Variants in TRPM8 observed in about 807,000 individuals in gnomAD.
TRPM8 encodes the protein TRPM8 cationic channel.
Under a neutral mutation model 133.7 loss-of-function variants are expected in TRPM8, and 110 were observed. That is an observed-to-expected ratio of 0.82 (90% CI 0.70 to 0.96). The LOEUF is 0.96. Ranked by LOEUF, TRPM8 falls within the 40% of genes least tolerant of loss-of-function variation. The probability of loss-of-function intolerance (pLI) is 0.00; values close to 1 mark genes in which losing one functional copy is unlikely to be tolerated. For missense variants in TRPM8, 1,291 were observed against 1,379.5 expected, an observed-to-expected ratio of 0.94 and a Z score of 1.02; for synonymous variants, 535 against 532.3, an observed-to-expected ratio of 1.01 and a Z score of -0.07.
intron 3 of TRPM8, among the ~76,000 whole-genome samples, chr2:233,936,128 G>A (rs1329148832): frequency 6.6e-6 from 1 of 152,122 alleles, no homozygotes; most frequent in African/African-American, 2.4e-5. Flanking sequence ...GGGGCTGTGC[G>A]AGAGTAAAAG....
chr2:233,959,093 T>C (rs1684499351), intron 11 of TRPM8, among the ~76,000 whole-genome samples: 2 of 152,178 alleles, frequency 1.3e-5, no homozygotes, highest in African/African-American at 4.8e-5. Context: ...TGGCATGATC[T>C]CAGCTCACTG....
At chr2:234,002,168 T>A (rs908162138) in intron 22 of TRPM8, among the ~76,000 whole-genome samples, 10 of 150,938 alleles carry the variant, frequency 6.6e-5, no homozygotes, top group Admixed American at 5.9e-4. Flanking sequence ...AGAAGATGAA[T>A]TGGAATTAGC....
At chr2:233,942,921 CT>C (rs1690946409) in intron 6 of TRPM8, 173 bp downstream of exon 6, 1 of 668,878 alleles carries the variant, frequency 1.5e-6, no homozygotes, top group South Asian at 1.8e-5. Context: ...GATGACGTAC[CT>C]AATTAACTGC....
At chr2:233,921,649 T>C (rs1368136138) in intron 1 of TRPM8, among the ~76,000 whole-genome samples, 4 of 148,862 alleles carry the variant, frequency 2.7e-5, no homozygotes, top group Non-Finnish European at 4.5e-5. Flanking sequence ...CTTTTTTTTC[T>C]TTTTCTTTTT....
intron 2 of TRPM8, among the ~76,000 whole-genome samples, chr2:233,929,282 C>T (rs1272355864): frequency 3.3e-5 from 5 of 152,272 alleles, no homozygotes; most frequent in Admixed American, 1.3e-4. Context: ...GGGTTTAAGA[C>T]ATACGACCTA....
Position 233,960,968 on chromosome 2 carries a change from G to A in TRPM8, c.1555G>A (p.Ala519Thr). Residue 519 changes from alanine to threonine, a missense_variant, in exon 12 of 26, where the codon GCC becomes ACC. Physicochemically the swap from Ala to Thr is moderately conservative, Grantham distance 58 (BLOSUM62 0). This residue lies in a region of TRPM8 where 963 missense variants were observed against 968.9 expected (regional missense o/e 0.99). Coordinates refer to ENST00000324695, the MANE Select transcript of TRPM8 (RefSeq NM_024080.5). ...GATCGCCAAGAATTCCTATAATGAT[G>A]CCCTCCTCACGTTTGTCTGGAAACT... is the stretch of plus-strand genomic sequence containing the variant. ...LQIAKNSYND[A>T]LLTFVWKLVA... The A allele has an allele frequency of 1.9e-6, 3 of 1,614,102 alleles. No individual in the cohort carries two copies. Among genetic ancestry groups the A allele is most frequent in the Non-Finnish European group, 2.5e-6 (3 of 1,180,034 alleles).
intron 9 of TRPM8, chr2:233,953,647 C>G: frequency 4.3e-6 from 1 of 234,278 alleles, no homozygotes; most frequent in Non-Finnish European, 8.3e-6. Context: ...CTTTGTGACA[C>G]ACACACACAC....
At position 233,939,026 on chromosome 2, in the gene TRPM8, C is replaced by T. The variant is rs1363715897; in HGVS notation, c.377C>T (p.Ala126Val). The part of the protein sequence containing the change: ...KYIRLSCDTD[A>V]EILYELLTQH... Reference sequence around the variant, plus strand: ...ATACGTCTGTCCTGCGACACGGACGCGGAAATCCTTTACGAGCTGCTGACC... The same window carrying T: ...ATACGTCTGTCCTGCGACACGGACGTGGAAATCCTTTACGAGCTGCTGACC... The change falls in exon 5 of 26, where the codon GCG (alanine) becomes GTG (valine). Residue 126 changes from alanine (A) to valine (V), a missense_variant. By Grantham distance (64) the Ala-to-Val change is moderately conservative. This residue lies in a region of TRPM8 where 963 missense variants were observed against 968.9 expected (regional missense o/e 0.99). Coordinates refer to ENST00000324695, the MANE Select transcript of TRPM8 (RefSeq NM_024080.5). 1 of 1,614,208 alleles carries T rather than the reference C, an allele frequency of 6.2e-7. No homozygotes were observed. The highest frequency in any genetic ancestry group is 8.5e-7 in the Non-Finnish European group (1 of 1,180,044).
At chr2:234,017,116 T>C (rs557878068) in intron 25 of TRPM8, among the ~76,000 whole-genome samples, 183 bp from the exon 26 acceptor site, 30 of 151,874 alleles carry the variant, frequency 2.0e-4, no homozygotes, top group Non-Finnish European at 3.7e-4. Flanking sequence ...AGAATACACA[T>C]CTTTAAGAGA....
intron 6 of TRPM8, 27 bp from the exon 7 acceptor site, chr2:233,945,829 A>G (rs200157876): frequency 6.3e-7 from 1 of 1,594,966 alleles, no homozygotes; most frequent in Non-Finnish European, 8.6e-7. Flanking sequence ...ATACAATCTC[A>G]AAGACAAGTT....
chr2:233,952,834 T>C (rs984450664), intron 9 of TRPM8, among the ~76,000 whole-genome samples: 3 of 152,122 alleles, frequency 2.0e-5, no homozygotes, highest in African/African-American at 7.2e-5. Flanking sequence ...TCCTTCTTCT[T>C]CCTTTTTATT....
intron 21 of TRPM8, among the ~76,000 whole-genome samples, chr2:233,988,517 A>G (rs574229577): frequency 2.6e-5 from 4 of 152,246 alleles, no homozygotes; most frequent in African/African-American, 9.6e-5. Context: ...ACCCATGTTT[A>G]GTTCATTATT....
At chr2:234,016,582 TG>T (rs1215976190) in intron 25 of TRPM8, among the ~76,000 whole-genome samples, 1 of 152,130 alleles carries the variant, frequency 6.6e-6, no homozygotes, top group Non-Finnish European at 1.5e-5. Context: ...GAGCTGACCC[TG>T]GGGGCAAGCC....
At chr2:233,972,036 C>T (rs1691737978) in intron 17 of TRPM8, among the ~76,000 whole-genome samples, 1 of 152,188 alleles carries the variant, frequency 6.6e-6, no homozygotes, top group Non-Finnish European at 1.5e-5. Context: ...AGAGTGTCCA[C>T]ACAAAGGTTC....
intron 11 of TRPM8, among the ~76,000 whole-genome samples, chr2:233,957,274 C>G (rs1473072076): frequency 2.6e-5 from 4 of 151,964 alleles, no homozygotes; most frequent in African/African-American, 4.8e-5. Flanking sequence ...TTGCTTGAGT[C>G]CAAGAGTTTG....
intron 8 of TRPM8, among the ~76,000 whole-genome samples, chr2:233,948,530 G>C (rs12476852): frequency 0.17 from 25,936 of 152,208 alleles, 2,799 homozygotes; most frequent in African/African-American, 0.29. Context: ...TGGAGAAAAA[G>C]TCATTGAAAT....
chr2:233,963,277 C>T lies in TRPM8; in HGVS notation c.1654-5C>T. 6.2e-7 allele frequency: 1 copy of T among 1,607,764 alleles called. No homozygotes were observed. On this transcript the variant is annotated splice_region_variant and splice_polypyrimidine_tract_variant and intron_variant, in intron 12 of 25. Transcript: ENST00000324695. Reference sequence around the variant, plus strand: ...ACATGCTGACCACATGCTCTAACCCCCCAGGACGTGTCTCCTATTACTCGG... The same window carrying T: ...ACATGCTGACCACATGCTCTAACCCTCCAGGACGTGTCTCCTATTACTCGG...
intron 1 of TRPM8, among the ~76,000 whole-genome samples, chr2:233,921,201 A>G (rs951486397): frequency 3.3e-5 from 5 of 152,158 alleles, no homozygotes; most frequent in Non-Finnish European, 7.4e-5. Flanking sequence ...TCATGTGTGT[A>G]TAGTTTAATG....
intron 23 of TRPM8, 137 bp from the exon 24 acceptor site, chr2:234,007,933 T>C: frequency 2.3e-6 from 2 of 883,980 alleles, no homozygotes; most frequent in Non-Finnish European, 3.6e-6. Context: ...TAAATGCAGC[T>C]GATTCTTGAT....
Sources: gnomAD v4.1 joint callset for allele counts (sites outside exome capture counted in the v4.1 genomes callset) on GRCh38, gnomAD v4.1.1 for gene constraint, gnomAD v4.1.1 regional missense constraint, MANE v1.5 for transcripts, NCBI Gene and HGNC (gene_info 2026-07-23, HGNC 2026-07-21) for gene names.